Variants in WNT2B observed in about 807,000 individuals in gnomAD.
WNT2B encodes Wnt family member 2B, also known as protein Wnt-2b.
Under a neutral mutation model 40.5 loss-of-function variants are expected in WNT2B, and 19 were observed. The ratio of observed to expected loss-of-function variants is 0.47; its 90% CI spans 0.33 to 0.69. WNT2B has a LOEUF of 0.69. Among genes scored for constraint, WNT2B ranks in the 30% least tolerant of loss-of-function variants. WNT2B has a pLI of 0.02. For synonymous variants in WNT2B, 220 were observed against 211.9 expected (o/e 1.04, Z -0.33); for missense variants, 467 against 556.4 (o/e 0.84, Z 1.62).
At chr1:112,497,541 C>T (rs992457110) in intron 1 of WNT2B, among the ~76,000 whole-genome samples, 1 of 152,218 alleles carries the variant, frequency 6.6e-6, no homozygotes, top group Non-Finnish European at 1.5e-5. Flanking sequence ...TAACATTCTG[C>T]TTCTGAGGCC....
intron 1 of WNT2B, among the ~76,000 whole-genome samples, chr1:112,501,548 G>A (rs540786689): frequency 6.6e-6 from 1 of 152,116 alleles, no homozygotes; most frequent in Non-Finnish European, 1.5e-5. Flanking sequence ...TGGACTCATG[G>A]GTATTTAATT....
rs994239743 is a variant in WNT2B, at chr1:112,526,836, G to A, written c.*6327G>A. The A allele has an allele frequency of 6.6e-6, 1 of 152,124 alleles. No individual in the cohort carries two copies. The highest frequency in any genetic ancestry group is 1.5e-5 in the Non-Finnish European group (1 of 68,044). The allele number at this position is 152,124 out of a possible 1,614,324, so 9.4% of individuals were successfully genotyped here. A position where few individuals can be genotyped will look rare whatever the true frequency, so the allele number is the denominator to read the frequency against. On this transcript the variant is annotated 3_prime_UTR_variant, in exon 5 of 5. Transcript: ENST00000369684. ...CTCCTGGGTTAGGAAAGCAAGATGA[G>A]GGAATAAGTGTCCTAAGAAACTCCC...
upstream of WNT2B, among the ~76,000 whole-genome samples, chr1:112,508,382 T>G (rs1160183337): frequency 1.3e-5 from 2 of 149,488 alleles, no homozygotes; most frequent in African/African-American, 2.5e-5. This position sits in a 1 kb window ranked among gnomAD's most constrained non-coding sequence, Gnocchi z 4.2. Context: ...ACGTGATGCA[T>G]TGGGGGTGGG....
chr1:112,481,203 T>C (rs1003852012), intron 1 of WNT2B, among the ~76,000 whole-genome samples: 2 of 151,756 alleles, frequency 1.3e-5, no homozygotes, highest in African/African-American at 4.8e-5. Flanking sequence ...CCTGAGCAAG[T>C]GCAATTTGCT....
rs1390963294 is a variant in WNT2B at position 112,521,107 on chromosome 1, TAAC to T, written c.*601_*603del. The T allele has an allele frequency of 3.3e-5, 5 of 152,968 alleles. No individual in the cohort carries two copies. Among genetic ancestry groups the T allele is most frequent in the African/African-American group, 1.2e-4 (5 of 41,436 alleles). 9.5% of individuals were successfully genotyped at this position (152,968 alleles called of 1,614,324 possible). A position where few individuals can be genotyped will look rare whatever the true frequency, so the allele number is the denominator to read the frequency against. On this transcript the variant is annotated 3_prime_UTR_variant, in exon 5 of 5. Coordinates refer to ENST00000369684, the MANE Select transcript of WNT2B (RefSeq NM_024494.3). The stretch of plus-strand genomic sequence containing the variant: ...GTGTTTTGTAGAAGAAAAAGAATCA[TAAC>T]AATACAAACACACATTCATTCTCTC...
In WNT2B at chr1:112,523,198, A is replaced by C. The variant is rs1462657246; in HGVS notation, c.*2689A>C. ...TTTTGGTTCTCATCCCTGTGGAAGG[A>C]AATGGGCCTCTTCTGGCATCTCATG... On this transcript the variant is annotated 3_prime_UTR_variant, in exon 5 of 5. Coordinates refer to ENST00000369684, the MANE Select transcript of WNT2B (RefSeq NM_024494.3). 1 of 152,232 alleles carries C rather than the reference A, an allele frequency of 6.6e-6. No homozygotes were observed. Among genetic ancestry groups the C allele is most frequent in the Non-Finnish European group, 1.5e-5 (1 of 68,036 alleles). The allele number at this position is 152,232 out of a possible 1,614,324, so 9.4% of individuals were successfully genotyped here. A position where few individuals can be genotyped will look rare whatever the true frequency, so the allele number is the denominator to read the frequency against.
chr1:112,495,650 C>T (rs2101068581), intron 1 of WNT2B, among the ~76,000 whole-genome samples: 1 of 151,226 alleles, frequency 6.6e-6, no homozygotes, highest in African/African-American at 2.4e-5. Context: ...GGTCTGAATA[C>T]ACCAATTTGA....
intron 1 of WNT2B, among the ~76,000 whole-genome samples, chr1:112,483,331 C>T (rs989147714): frequency 6.6e-6 from 1 of 152,016 alleles, no homozygotes; most frequent in Non-Finnish European, 1.5e-5. Flanking sequence ...ATCCATGCAT[C>T]TATAGTCAAC....
chr1:112,518,384 G>A (rs1030040678), intron 4 of WNT2B: 1 of 152,138 alleles, frequency 6.6e-6, no homozygotes, highest in Admixed American at 6.5e-5. Flanking sequence ...AGCTATCTTC[G>A]GTACTGTTTG....
At chr1:112,506,370 G>A (rs1652106962), upstream of WNT2B, among the ~76,000 whole-genome samples, 3 of 152,208 alleles carry the variant, frequency 2.0e-5, no homozygotes, top group Admixed American at 6.5e-5. Flanking sequence ...TGTAAAGACA[G>A]CTCAGGCCAA....
chr1:112,508,762 C>T, upstream of WNT2B: 1 of 986,700 alleles, frequency 1.0e-6, no homozygotes. The surrounding 1 kb of genome is among the most constrained non-coding windows in gnomAD (Gnocchi z 4.2). Context: ...CCGCGGCGTC[C>T]CGTCGCAGCG....
intron 2 of WNT2B, 60 bp from the exon 3 acceptor site, chr1:112,516,080 G>A (rs1443774685): frequency 6.4e-7 from 1 of 1,554,864 alleles, no homozygotes; most frequent in Admixed American, 1.8e-5. Context: ...TGTATGGGCT[G>A]AAGAAGGGGA....
chr1:112,513,493 G>A (rs1327859172), intron 1 of WNT2B, among the ~76,000 whole-genome samples: 1 of 149,118 alleles, frequency 6.7e-6, no homozygotes, highest in Non-Finnish European at 1.5e-5. Context: ...GTTTGAGTTG[G>A]TGTCACCAGT....
In WNT2B at chr1:112,470,132, A is replaced by G. The variant is rs1031330935; in HGVS notation, c.-95+2541A>G. Among the ~76,000 whole-genome samples the G allele has an allele frequency of 8.0e-4, 122 of 152,178 alleles. 1 individual carries two copies. The highest frequency in any genetic ancestry group is 2.8e-3 in the African/African-American group (117 of 41,452). On this transcript the variant is annotated intron_variant, in intron 1 of 4. Transcript: ENST00000256640. The stretch of plus-strand genomic sequence containing the variant: ...AATGACCTTTTCTTTCAGATTGAAG[A>G]ACTCTTTTTAGCATTTCTTGTAGGA...
chr1:112,497,855 A>G (rs1418889917), intron 1 of WNT2B, among the ~76,000 whole-genome samples: 2 of 152,106 alleles, frequency 1.3e-5, no homozygotes, highest in Non-Finnish European at 2.9e-5. Flanking sequence ...GAAGCCATGT[A>G]GTACCCCGAG....
rs1653877685 is a variant in WNT2B, at chr1:112,528,797, A to G, written c.*8288A>G. The G allele has an allele frequency of 6.6e-6, 1 of 152,194 alleles. No homozygotes were observed. The highest frequency in any genetic ancestry group is 1.5e-5 in the Non-Finnish European group (1 of 68,024). 9.4% of individuals were successfully genotyped at this position (152,194 alleles called of 1,614,324 possible). A position where few individuals can be genotyped will look rare whatever the true frequency, so the allele number is the denominator to read the frequency against. The stretch of plus-strand genomic sequence containing the variant: ...GGTATATTGAATTTTTGCAGCTAGC[A>G]GATTTATCGTATCTGAGGCCATAGT... On this transcript the variant is annotated 3_prime_UTR_variant, in exon 5 of 5. Coordinates refer to ENST00000369684, the MANE Select transcript of WNT2B (RefSeq NM_024494.3).
chr1:112,495,372 C>T (rs1470357467), intron 1 of WNT2B, among the ~76,000 whole-genome samples: 3 of 151,764 alleles, frequency 2.0e-5, no homozygotes, highest in African/African-American at 4.8e-5. Flanking sequence ...GTCAGGAGAT[C>T]GAGACCATCC....
chr1:112,500,270 G>A (rs939181034), intron 1 of WNT2B, among the ~76,000 whole-genome samples: 1 of 152,106 alleles, frequency 6.6e-6, no homozygotes, highest in African/African-American at 2.4e-5. Context: ...GCACATAAGA[G>A]AATTCTGCTA....
chr1:112,488,604 T>C (rs1054976261), intron 1 of WNT2B, among the ~76,000 whole-genome samples: 1 of 149,924 alleles, frequency 6.7e-6, no homozygotes, highest in Non-Finnish European at 1.5e-5. Context: ...CATGCTGGAG[T>C]GCAGTGTCAC....
Sources: gnomAD v4.1 joint callset for allele counts (sites outside exome capture counted in the v4.1 genomes callset) on GRCh38, gnomAD v4.1.1 for gene constraint, Gnocchi (gnomAD v3.1) non-coding constraint, MANE v1.5 for transcripts, NCBI Gene and HGNC (gene_info 2026-07-23, HGNC 2026-07-21) for gene names.